CHL1: variants seen among roughly 807,000 people sequenced by gnomAD.
CHL1 encodes the protein neural cell adhesion molecule L1-like protein.
CHL1 carries 96 observed loss-of-function variants against 141.9 expected under a neutral mutation model. That is an observed-to-expected ratio of 0.68 (90% CI 0.57 to 0.80). The LOEUF (loss-of-function observed/expected upper bound fraction) is 0.80, where lower values mean the gene tolerates loss of function less well. CHL1 is among the 30% of genes least tolerant of loss of function. The pLI, the probability that CHL1 is intolerant of heterozygous loss-of-function variation, is 0.00. For synonymous variants in CHL1, 613 were observed against 502.2 expected (o/e 1.22, Z -2.95); for missense variants, 1,820 against 1,457.2 (o/e 1.25, Z -4.05).
chr3:320,051 T>C (rs527437175), intron 3 of CHL1, among the ~76,000 whole-genome samples, 184 bp downstream of exon 3: 28 of 152,186 alleles, frequency 1.8e-4, no homozygotes, highest in African/African-American at 6.3e-4. Context: ...ATGACTGCTG[T>C]AATTATTTTG....
At chr3:362,736 T>C (rs954559501) in intron 13 of CHL1, among the ~76,000 whole-genome samples, 1 of 151,876 alleles carries the variant, frequency 6.6e-6, no homozygotes, top group African/African-American at 2.4e-5. Context: ...GGCTCTGGGG[T>C]TGATAGGGTA....
At chr3:332,032 G>A (rs1232220657) in intron 5 of CHL1, among the ~76,000 whole-genome samples, 1 of 152,150 alleles carries the variant, frequency 6.6e-6, no homozygotes, top group Non-Finnish European at 1.5e-5. Context: ...CCCCTCCTTC[G>A]TTGAAGATGC....
chr3:355,967 C>T (rs1305014355), intron 11 of CHL1, among the ~76,000 whole-genome samples: 8 of 152,132 alleles, frequency 5.3e-5, no homozygotes, highest in South Asian at 2.1e-4. Flanking sequence ...CACTGACTCA[C>T]GGGGTTGTTT....
chr3:326,304 T>C (rs1220159431), intron 4 of CHL1, among the ~76,000 whole-genome samples: 1 of 152,056 alleles, frequency 6.6e-6, no homozygotes, highest in African/African-American at 2.4e-5. Context: ...CTTAGAGTAG[T>C]CTTTGGTACA....
At chr3:287,135 T>C (rs1329625637) in intron 2 of CHL1, among the ~76,000 whole-genome samples, 1 of 152,198 alleles carries the variant, frequency 6.6e-6, no homozygotes, top group African/African-American at 2.4e-5. Context: ...GTTGCTCTGG[T>C]TCAAACGCCT....
intron 1 of CHL1, among the ~76,000 whole-genome samples, chr3:211,596 A>G (rs375436819): frequency 8.3e-4 from 127 of 152,300 alleles, no homozygotes; most frequent in South Asian, 6.6e-3. Context: ...GGAACCATAC[A>G]TACTATCATT....
At chr3:263,393 CT>C (rs1166359863) in intron 2 of CHL1, among the ~76,000 whole-genome samples, 1 of 151,628 alleles carries the variant, frequency 6.6e-6, no homozygotes, top group Non-Finnish European at 1.5e-5. Context: ...TCATTTGTAC[CT>C]GATGGTTCTG....
At position 383,869 on chromosome 3, in the gene CHL1, A is replaced by G; in HGVS notation, c.2230A>G (p.Met744Val). 6.2e-7 allele frequency: 1 copy of G among 1,609,386 alleles called. No individual in the cohort carries two copies. Among genetic ancestry groups the G allele is most frequent in the Non-Finnish European group, 8.5e-7 (1 of 1,176,848 alleles). Residue 744 changes from methionine (M) to valine (V), a missense_variant, in exon 19 of 28, where the codon ATG becomes GTG. Physicochemically the swap from Met to Val is conservative, Grantham distance 21 (BLOSUM62 1). Transcript: ENST00000256509. ...IRVQASQPKE[M>V]IIKWEPLKSM... ...GGTTCAAGCCTCTCAACCCAAGGAA[A>G]TGATTATAAAGTGGGAGGTGTGTAT...
chr3:317,342 C>G (rs1199253444), intron 2 of CHL1, among the ~76,000 whole-genome samples: 1 of 151,842 alleles, frequency 6.6e-6, no homozygotes, highest in Non-Finnish European at 1.5e-5. Context: ...ACTTACTGCC[C>G]TAAGTCAAGA....
chr3:383,947 A>G, intron 19 of CHL1, 61 bp downstream of exon 19: 1 of 1,116,672 alleles, frequency 9.0e-7, no homozygotes, highest in Non-Finnish European at 1.3e-6. Context: ...TTAGGTCTGC[A>G]TGCTAACTAC....
chr3:367,710 A>T (rs114180195), intron 15 of CHL1, among the ~76,000 whole-genome samples: 1 of 152,124 alleles, frequency 6.6e-6, no homozygotes, highest in Non-Finnish European at 1.5e-5. Context: ...TGAACAGAAC[A>T]TGCAGATTTG....
chr3:340,693 T>G (rs1702280226), intron 5 of CHL1, 101 bp from the exon 6 acceptor site: 1 of 995,196 alleles, frequency 1.0e-6, no homozygotes, highest in Non-Finnish European at 1.5e-6. Context: ...TAGAATTTAT[T>G]TAAATTGCTG....
At chr3:324,250 C>G (rs1176686310) in intron 3 of CHL1, among the ~76,000 whole-genome samples, 1 of 152,080 alleles carries the variant, frequency 6.6e-6, no homozygotes, top group Non-Finnish European at 1.5e-5. Context: ...TCATTTGCAA[C>G]TCTACTGTGG....
At position 234,533 on chromosome 3, in the gene CHL1, T is replaced by C. The variant is rs1691753818; in HGVS notation, c.-174-10080T>C. Among the ~76,000 whole-genome samples the C allele has an allele frequency of 2.0e-5, 3 of 151,922 alleles. 1 individual carries two copies. The South Asian group carries it at 6.2e-4, about 32-fold the overall frequency. ...TTAGTAATATTTAAAGTACTGAAAA[T>C]TAGTGATATTTAAAGGAAAACAGAA... is the stretch of plus-strand genomic sequence containing the variant. On this transcript the variant is annotated intron_variant, in intron 1 of 27. Coordinates refer to ENST00000256509, the MANE Select transcript of CHL1 (RefSeq NM_006614.4).
chr3:292,851 G>A lies in CHL1; in HGVS notation c.-94-26832G>A, dbSNP rs531836275. 2.0e-5 allele frequency among the ~76,000 whole-genome samples: 3 copies of A among 152,258 alleles called. No homozygotes were observed. In the South Asian group the frequency reaches 6.2e-4, roughly 32 times the overall value. The stretch of plus-strand genomic sequence containing the variant: ...TCAAGAGAACTCACTATCATGGACA[G>A]CACCCAGCCATGAGGGATCTACCCG... On this transcript the variant is annotated intron_variant, in intron 2 of 27. Transcript: ENST00000256509.
chr3:273,585 TC>T (rs1326323612), intron 2 of CHL1, among the ~76,000 whole-genome samples: 1 of 152,200 alleles, frequency 6.6e-6, no homozygotes, highest in Non-Finnish European at 1.5e-5. Flanking sequence ...ACGTTCTTTT[TC>T]TATTCTCTCT....
chr3:383,923 C>T lies in CHL1; in HGVS notation c.2247+37C>T, dbSNP rs766267357. The T allele has an allele frequency of 1.1e-4, 161 of 1,422,566 alleles. No homozygotes were observed. The Admixed American group carries it at 2.7e-3, about 24-fold the overall frequency. 88.1% of individuals were successfully genotyped at this position (1,422,566 alleles called of 1,614,324 possible). On this transcript the variant is annotated intron_variant, in intron 19 of 27. Coordinates refer to ENST00000256509, the MANE Select transcript of CHL1 (RefSeq NM_006614.4). The stretch of plus-strand genomic sequence containing the variant: ...TTAATACGTTATGTATTTCTTTGTG[C>T]TTTTCTCTTCCTCTTAGGTCTGCAT...
chr3:245,259 G>A (rs1693054335), intron 2 of CHL1, among the ~76,000 whole-genome samples: 1 of 152,046 alleles, frequency 6.6e-6, no homozygotes, highest in Non-Finnish European at 1.5e-5. Flanking sequence ...CAAAGAGTTT[G>A]GAACAATAAG....
chr3:200,088 G>A (rs1174689881), intron 1 of CHL1, among the ~76,000 whole-genome samples: 1 of 152,124 alleles, frequency 6.6e-6, no homozygotes, highest in Non-Finnish European at 1.5e-5. Flanking sequence ...TGAAATTCAT[G>A]TGATCATTTA....
Sources: allele counts gnomAD v4.1 joint callset (sites outside exome capture counted in the v4.1 genomes callset), GRCh38; gene constraint gnomAD v4.1.1; transcripts MANE v1.5; gene names NCBI Gene and HGNC (gene_info 2026-07-23, HGNC 2026-07-21).